Variants in EPHA6 observed in about 807,000 individuals in gnomAD.
EPHA6 encodes the protein ephrin type-A receptor 6.
A neutral mutation model predicts 112.0 loss-of-function variants in EPHA6; 50 were observed. The ratio of observed to expected loss-of-function variants is 0.45; its 90% CI spans 0.36 to 0.56. EPHA6 has a LOEUF of 0.56. EPHA6 is among the 20% of genes least tolerant of loss of function. EPHA6 has a pLI of 0.00. For missense variants in EPHA6, 1,280 were observed against 1,417.4 expected (o/e 0.90, Z 1.56); for synonymous variants, 529 against 490.7 (o/e 1.08, Z -1.03).
chr3:97,264,380 C>T (rs1239402638), intron 5 of EPHA6, among the ~76,000 whole-genome samples: 17 of 152,232 alleles, frequency 1.1e-4, no homozygotes, highest in Admixed American at 8.5e-4. Flanking sequence ...CTCCAGGTGC[C>T]GGCACGGGCA....
At chr3:97,009,950 T>C in intron 3 of EPHA6, 1 of 542,732 alleles carries the variant, frequency 1.8e-6, no homozygotes, top group South Asian at 1.5e-5. Context: ...CCTGGTTACC[T>C]TGGTTGCCGT....
intron 5 of EPHA6, among the ~76,000 whole-genome samples, chr3:97,361,874 G>A (rs2084392732): frequency 6.6e-6 from 1 of 152,160 alleles, no homozygotes; most frequent in African/African-American, 2.4e-5. Flanking sequence ...ATAGCAGCTT[G>A]AGTATACCCA....
chr3:97,595,216 AG>A (rs2093577339), intron 12 of EPHA6, among the ~76,000 whole-genome samples: 1 of 152,228 alleles, frequency 6.6e-6, no homozygotes, highest in Non-Finnish European at 1.5e-5. Context: ...ATTTCTAAAA[AG>A]GTCATAGTAA....
At chr3:97,363,617 T>C (rs530620455) in intron 5 of EPHA6, among the ~76,000 whole-genome samples, 1 of 152,136 alleles carries the variant, frequency 6.6e-6, no homozygotes, top group Admixed American at 6.6e-5. Flanking sequence ...ACATTAAAAA[T>C]ATAATTACCA....
At chr3:97,686,891 A>T (rs761357279) in intron 14 of EPHA6, among the ~76,000 whole-genome samples, 77 of 152,282 alleles carry the variant, frequency 5.1e-4, no homozygotes, top group Admixed American at 9.8e-4. Flanking sequence ...TTTAGGGTAT[A>T]CATTGTTTAC....
At chr3:97,032,373 C>G (rs1402692998) in intron 3 of EPHA6, among the ~76,000 whole-genome samples, 2 of 151,968 alleles carry the variant, frequency 1.3e-5, no homozygotes, top group Admixed American at 6.6e-5. Context: ...GGGTGCAGCA[C>G]ACCAACATGG....
intron 14 of EPHA6, among the ~76,000 whole-genome samples, chr3:97,674,400 G>A (rs1036802117): frequency 6.6e-6 from 1 of 152,108 alleles, no homozygotes. Context: ...AAGAATATTT[G>A]GGTACTTCTT....
chr3:96,873,517 A>G (rs1377134500), intron 2 of EPHA6, among the ~76,000 whole-genome samples: 1 of 152,166 alleles, frequency 6.6e-6, no homozygotes, highest in African/African-American at 2.4e-5. Context: ...TTATGATTCT[A>G]CTTAATTTTC....
intron 5 of EPHA6, chr3:97,244,505 C>T: frequency 3.6e-6 from 2 of 553,398 alleles, no homozygotes; most frequent in Non-Finnish European, 3.2e-6. Context: ...AAATGCTTCC[C>T]TCCACTGTTT....
intron 3 of EPHA6, among the ~76,000 whole-genome samples, chr3:97,204,506 G>A (rs1026271518): frequency 6.6e-6 from 1 of 152,058 alleles, no homozygotes. Context: ...GTTAGTAAGT[G>A]GATGGGCCAA....
intron 14 of EPHA6, among the ~76,000 whole-genome samples, chr3:97,697,741 A>T (rs747764004): frequency 7.2e-5 from 11 of 152,096 alleles, no homozygotes; most frequent in Non-Finnish European, 1.6e-4. Flanking sequence ...AGCTGACAGG[A>T]TGTGGCACAT....
At chr3:96,881,970 C>G (rs925546879) in intron 2 of EPHA6, among the ~76,000 whole-genome samples, 1 of 152,170 alleles carries the variant, frequency 6.6e-6, no homozygotes, top group Non-Finnish European at 1.5e-5. Flanking sequence ...TGGTCTTGGG[C>G]AGCTCTGCCC....
chr3:97,081,441 T>A (rs2046716477), intron 3 of EPHA6, among the ~76,000 whole-genome samples: 1 of 151,904 alleles, frequency 6.6e-6, no homozygotes, highest in African/African-American at 2.4e-5. Context: ...ATGAAAGTGT[T>A]CAAAATCAAA....
chr3:97,724,435 A>T (rs1157410030), intron 15 of EPHA6, among the ~76,000 whole-genome samples: 1 of 152,144 alleles, frequency 6.6e-6, no homozygotes, highest in African/African-American at 2.4e-5. Flanking sequence ...CAGTCATTAG[A>T]CCAAATGTGT....
chr3:97,003,366 C>T (rs755185681), intron 3 of EPHA6, among the ~76,000 whole-genome samples: 20 of 152,088 alleles, frequency 1.3e-4, no homozygotes, highest in Non-Finnish European at 2.1e-4. Context: ...CCTTGGCCTC[C>T]CAAAGTGCTG....
intron 11 of EPHA6, among the ~76,000 whole-genome samples, chr3:97,561,597 C>A (rs577184698): frequency 1.3e-5 from 2 of 152,144 alleles, no homozygotes; most frequent in South Asian, 4.1e-4. Flanking sequence ...GAAACCATCT[C>A]TGTAACATAA....
At chr3:96,990,600 C>G (rs1024444470) in intron 3 of EPHA6, among the ~76,000 whole-genome samples, 1 of 151,968 alleles carries the variant, frequency 6.6e-6, no homozygotes, top group Non-Finnish European at 1.5e-5. Context: ...ATGCCTGATT[C>G]TAATTAAATA....
At chr3:97,140,713 G>T (rs927781230) in intron 3 of EPHA6, among the ~76,000 whole-genome samples, 1 of 152,114 alleles carries the variant, frequency 6.6e-6, no homozygotes, top group Non-Finnish European at 1.5e-5. Flanking sequence ...GACAATACTG[G>T]TCATGATAAA....
At chr3:96,856,257 T>A (rs774596127) in intron 1 of EPHA6, among the ~76,000 whole-genome samples, 4 of 150,736 alleles carry the variant, frequency 2.7e-5, no homozygotes, top group East Asian at 3.9e-4. Context: ...AAAAAAAAAA[T>A]GGGCAGTTTA....
Sources: gnomAD v4.1 joint callset for allele counts (sites outside exome capture counted in the v4.1 genomes callset) on GRCh38, gnomAD v4.1.1 for gene constraint, MANE v1.5 for transcripts, NCBI Gene and HGNC (gene_info 2026-07-23, HGNC 2026-07-21) for gene names.